The following ARHGAP15 variants were observed in gnomAD, a reference collection of about 807,000 sequenced individuals.
ARHGAP15 encodes the protein rho GTPase-activating protein 15.
In ARHGAP15, 51 loss-of-function variants were observed where a neutral mutation model predicts 63.7. The observed-to-expected ratio is 0.80, with a 90% CI of 0.64 to 1.01. The LOEUF is 1.01. ARHGAP15 is among the 50% of genes least tolerant of loss of function. ARHGAP15 has a pLI of 0.00. For synonymous variants in ARHGAP15, 191 were observed against 193.8 expected, an observed-to-expected ratio of 0.99 and a Z score of 0.12; for missense variants, 560 against 564.6, an observed-to-expected ratio of 0.99 and a Z score of 0.08.
intron 11 of ARHGAP15, chr2:143,606,771 C>T (rs1429195555): frequency 1.3e-5 from 2 of 152,200 alleles, no homozygotes; most frequent in East Asian, 1.9e-4. Flanking sequence ...TGGACCACTA[C>T]AGGCTCTGAC....
chr2:143,430,254 T>C (rs1366454540), intron 6 of ARHGAP15, among the ~76,000 whole-genome samples: 1 of 151,818 alleles, frequency 6.6e-6, no homozygotes, highest in African/African-American at 2.4e-5. Flanking sequence ...AGATACTTTC[T>C]CACAAAATGC....
rs766976010 is a variant in ARHGAP15 at position 143,519,386 on chromosome 2, AGTTCCCCC to A, written c.925+23_925+30del. 4 of 1,587,912 alleles carry A rather than the reference AGTTCCCCC, an allele frequency of 2.5e-6. No homozygotes were observed. The South Asian group carries it at 3.3e-5, about 13-fold the overall frequency. On this transcript the variant is annotated intron_variant, in intron 10 of 13. Coordinates refer to ENST00000295095, the MANE Select transcript of ARHGAP15 (RefSeq NM_018460.4). The stretch of plus-strand genomic sequence containing the variant: ...AGAGGTGGGTGACTGAATGTGCAGC[AGTTCCCCC>A]CATTACTGCACCCTCTACACAACCA...
chr2:143,136,501 A>G (rs779981067), intron 1 of ARHGAP15, among the ~76,000 whole-genome samples: 3 of 152,084 alleles, frequency 2.0e-5, no homozygotes, highest in Non-Finnish European at 2.9e-5. Context: ...TGATTTGTAC[A>G]TGTTTGAATT....
chr2:143,227,529 C>T (rs1300363556), intron 4 of ARHGAP15, among the ~76,000 whole-genome samples: 1 of 152,006 alleles, frequency 6.6e-6, no homozygotes, highest in African/African-American at 2.4e-5. Flanking sequence ...TCATGGAAGG[C>T]ACATATGACA....
At chr2:143,393,726 TAAAAAAA>T (rs10593584) in intron 6 of ARHGAP15, among the ~76,000 whole-genome samples, 8 of 61,468 alleles carry the variant, frequency 1.3e-4, no homozygotes, top group African/African-American at 2.5e-4. Context: ...AGACTCTGTC[TAAAAAAA>T]AAAAAAAAAA....
At chr2:143,241,791 T>C (rs778505498) in intron 5 of ARHGAP15, among the ~76,000 whole-genome samples, 13 of 152,162 alleles carry the variant, frequency 8.5e-5, no homozygotes, top group Non-Finnish European at 1.6e-4. Context: ...ATTAAGAGCC[T>C]GACTTTATCT....
At chr2:143,563,714 T>C (rs1696115262) in intron 11 of ARHGAP15, among the ~76,000 whole-genome samples, 1 of 152,114 alleles carries the variant, frequency 6.6e-6, no homozygotes, top group African/African-American at 2.4e-5. Flanking sequence ...ATCATCACCA[T>C]CATCATCATC....
At chr2:143,239,726 C>T (rs1693787324) in intron 5 of ARHGAP15, among the ~76,000 whole-genome samples, 1 of 152,052 alleles carries the variant, frequency 6.6e-6, no homozygotes, top group Non-Finnish European at 1.5e-5. Flanking sequence ...TGCAGTGGCC[C>T]ATGCCTAGAA....
chr2:143,620,347 G>A (rs769898805), intron 11 of ARHGAP15, among the ~76,000 whole-genome samples: 24 of 152,062 alleles, frequency 1.6e-4, no homozygotes, highest in East Asian at 3.9e-4. Context: ...ATCTGTGCCC[G>A]TTTCCTAATG....
chr2:143,238,769 G>T (rs4603705), intron 5 of ARHGAP15, among the ~76,000 whole-genome samples: 1 of 151,956 alleles, frequency 6.6e-6, no homozygotes, highest in Non-Finnish European at 1.5e-5. Flanking sequence ...CACTGTTTAC[G>T]ATAGCAAAGA....
chr2:143,351,909 T>C (rs1222436135), intron 6 of ARHGAP15, among the ~76,000 whole-genome samples: 1 of 152,200 alleles, frequency 6.6e-6, no homozygotes. Context: ...ACTTTTCTTA[T>C]CTAAAATATA....
At chr2:143,736,452 A>G (rs895686293) in intron 13 of ARHGAP15, among the ~76,000 whole-genome samples, 1 of 152,034 alleles carries the variant, frequency 6.6e-6, no homozygotes, top group Admixed American at 6.5e-5. Context: ...ACAGTAGAGT[A>G]CAGTGATAGG....
At chr2:143,438,342 ATATG>A (rs1007049899) in intron 8 of ARHGAP15, among the ~76,000 whole-genome samples, 4 of 152,166 alleles carry the variant, frequency 2.6e-5, no homozygotes, top group East Asian at 1.9e-4. Context: ...ATTAAGAAAT[ATATG>A]TATATACACA....
chr2:143,436,672 T>G (rs1330370874), intron 7 of ARHGAP15, among the ~76,000 whole-genome samples: 1 of 152,206 alleles, frequency 6.6e-6, no homozygotes, highest in African/African-American at 2.4e-5. Flanking sequence ...TACCACCTAC[T>G]CTATAGAATT....
intron 5 of ARHGAP15, chr2:143,237,229 C>G (rs1693689267): frequency 6.6e-6 from 1 of 151,922 alleles, no homozygotes; most frequent in Admixed American, 6.6e-5. Flanking sequence ...AAAACACATG[C>G]AGGACTTGGT....
intron 11 of ARHGAP15, among the ~76,000 whole-genome samples, chr2:143,573,948 G>A (rs944163075): frequency 2.0e-5 from 3 of 152,134 alleles, no homozygotes; most frequent in South Asian, 4.2e-4. Flanking sequence ...AGATTGAGAG[G>A]AGAAAAAAAT....
At chr2:143,650,882 C>T (rs1681127739) in intron 12 of ARHGAP15, among the ~76,000 whole-genome samples, 1 of 151,840 alleles carries the variant, frequency 6.6e-6, no homozygotes, top group South Asian at 2.1e-4. Flanking sequence ...ACATAGCACT[C>T]GTCTCATGTT....
At chr2:143,179,879 G>A (rs544375734) in intron 2 of ARHGAP15, among the ~76,000 whole-genome samples, 1 of 133,740 alleles carries the variant, frequency 7.5e-6, no homozygotes, top group Admixed American at 7.8e-5. Context: ...GAGATAAAGT[G>A]AGACATTGTC....
intron 11 of ARHGAP15, among the ~76,000 whole-genome samples, chr2:143,596,593 T>A (rs965259961): frequency 3.3e-5 from 5 of 152,286 alleles, no homozygotes; most frequent in African/African-American, 9.6e-5. Flanking sequence ...GCCACCCATT[T>A]GCCTAAAATA....
Sources: gnomAD v4.1 joint callset for allele counts (sites outside exome capture counted in the v4.1 genomes callset) on GRCh38, gnomAD v4.1.1 for gene constraint, MANE v1.5 for transcripts, NCBI Gene and HGNC (gene_info 2026-07-23, HGNC 2026-07-21) for gene names.